Variants in MFNG observed in about 807,000 individuals in gnomAD.
MFNG encodes MFNG O-fucosylpeptide 3-beta-N-acetylglucosaminyltransferase, also known as beta-1,3-N-acetylglucosaminyltransferase manic fringe.
Under a neutral mutation model 34.2 loss-of-function variants are expected in MFNG, and 24 were observed. The observed-to-expected ratio is 0.70, with a 90% CI of 0.51 to 0.99. MFNG has a LOEUF of 0.99. Ranked by LOEUF, MFNG falls within the 50% of genes least tolerant of loss-of-function variation. MFNG has a pLI of 0.00. For missense variants in MFNG, 383 were observed against 424.0 expected, an observed-to-expected ratio of 0.90 and a Z score of 0.85; for synonymous variants, 158 against 179.2, an observed-to-expected ratio of 0.88 and a Z score of 0.94.
chr22:37,473,462 T>G (rs899731869), intron 6 of MFNG, among the ~76,000 whole-genome samples: 1 of 150,462 alleles, frequency 6.6e-6, no homozygotes, highest in African/African-American at 2.4e-5. Context: ...CCCAGTGTGG[T>G]GCCTGGCATT....
chr22:37,484,243 AC>A (rs1392666066), intron 1 of MFNG: 1 of 152,064 alleles, frequency 6.6e-6, no homozygotes, highest in Non-Finnish European at 1.5e-5. Flanking sequence ...CCCACCTGCC[AC>A]CCGACCGCCC....
intron 7 of MFNG, among the ~76,000 whole-genome samples, chr22:37,471,463 A>C (rs1013294167): frequency 1.3e-5 from 2 of 151,984 alleles, no homozygotes; most frequent in African/African-American, 4.8e-5. Context: ...GGTTGGACTG[A>C]TGGGCCCAGA....
intron 4 of MFNG, among the ~76,000 whole-genome samples, chr22:37,477,833 C>T (rs1056431874): frequency 5.9e-5 from 9 of 152,216 alleles, no homozygotes; most frequent in Admixed American, 5.9e-4. Context: ...TTCATTCTTT[C>T]TTCTGTGTTC....
At chr22:37,472,364 C>T (rs972672596) in intron 7 of MFNG, 79 bp downstream of exon 7, 3 of 1,108,364 alleles carry the variant, frequency 2.7e-6, no homozygotes, top group Non-Finnish European at 3.8e-6. Context: ...CCACTCCACT[C>T]CCTCCCAGCT....
At chr22:37,475,085 G>A (rs1437575575) in intron 5 of MFNG, among the ~76,000 whole-genome samples, 2 of 152,188 alleles carry the variant, frequency 1.3e-5, no homozygotes, top group Non-Finnish European at 2.9e-5. Context: ...CCCTATTCTG[G>A]CGGGAGACAG....
chr22:37,483,859 G>A lies in MFNG; in HGVS notation c.255+2064C>T, dbSNP rs573765900. ...GAGTCCAGGTCCAGAGGGGGCGGGG[G>A]CACAGGAGAGGGCAGTGAGGCTGGC... On this transcript the variant is annotated intron_variant, in intron 1 of 7. Coordinates refer to ENST00000356998, the MANE Select transcript of MFNG (RefSeq NM_002405.4). This position sits in a 1 kb window ranked among gnomAD's most constrained non-coding sequence, Gnocchi z 4.5. Among the ~76,000 whole-genome samples the A allele has an allele frequency of 1.3e-5, 2 of 152,220 alleles. No homozygotes were observed. The highest frequency in any genetic ancestry group is 4.1e-4 in the South Asian group (2 of 4,830).
rs755046976 is a variant in MFNG at position 37,477,015 on chromosome 22, C to G, written c.562-34G>C. On this transcript the variant is annotated intron_variant, in intron 4 of 7. Transcript: ENST00000356998. Reference sequence around the variant, plus strand: ...GAGGAAGGCCAAGGGGCAGAGTGAGCCTGGTGGCAGTTGTGGGGAAAAGGG... The same window carrying G: ...GAGGAAGGCCAAGGGGCAGAGTGAGGCTGGTGGCAGTTGTGGGGAAAAGGG... 14 of 1,594,420 alleles carry G rather than the reference C, an allele frequency of 8.8e-6. No individual in the cohort carries two copies. The African/African-American group carries it at 9.4e-5, about 11-fold the overall frequency.
At chr22:37,471,525 G>T (rs1921803401) in intron 7 of MFNG, among the ~76,000 whole-genome samples, 1 of 152,012 alleles carries the variant, frequency 6.6e-6, no homozygotes, top group Non-Finnish European at 1.5e-5. Context: ...CGCCACCCCT[G>T]GCCAGAATCA....
Position 37,485,993 on chromosome 22 carries a change from G to T in MFNG, c.185C>A (p.Thr62Lys), listed in dbSNP as rs374078492. The T allele has an allele frequency of 9.9e-6, 16 of 1,613,908 alleles. No homozygotes were observed. The highest frequency in any genetic ancestry group is 1.3e-5 in the Non-Finnish European group (15 of 1,179,952). Residue 62 changes from threonine to lysine, a missense_variant, in exon 1 of 8, where the codon ACG becomes AAG. Physicochemically the swap from Thr to Lys is moderately conservative, Grantham distance 78. Transcript: ENST00000356998. This position sits in a 1 kb window ranked among gnomAD's most constrained non-coding sequence, Gnocchi z 5.3. ...GCGCAAGCGGTGGAAAGCCCGGGTC[G>T]TCTTCACTGCAATGAAGACATCGTG... ...QLHDVFIAVK[T>K]TRAFHRLRLE...
Position 37,483,434 on chromosome 22 carries a change from C to G in MFNG, c.255+2489G>C, listed in dbSNP as rs2284052. Among the ~76,000 whole-genome samples, 1 of 151,278 alleles carries G rather than the reference C, an allele frequency of 6.6e-6. No individual in the cohort carries two copies. The highest frequency in any genetic ancestry group is 2.1e-4 in the South Asian group (1 of 4,768). On this transcript the variant is annotated intron_variant, in intron 1 of 7. Coordinates refer to ENST00000356998, the MANE Select transcript of MFNG (RefSeq NM_002405.4). This position sits in a 1 kb window ranked among gnomAD's most constrained non-coding sequence, Gnocchi z 4.5. ...AAACTTTTGCCACCAAACAGCCACCCGATAGTGAAACACTCTCAAGCTTGG... is the reference window on the plus strand; with the variant it reads ...AAACTTTTGCCACCAAACAGCCACCGGATAGTGAAACACTCTCAAGCTTGG...
chr22:37,486,085 G>A lies in MFNG; in HGVS notation c.93C>T (p.Ser31=). 6.2e-7 allele frequency: 1 copy of A among 1,613,650 alleles called. No individual in the cohort carries two copies. Among genetic ancestry groups the A allele is most frequent in the Non-Finnish European group, 8.5e-7 (1 of 1,179,848 alleles). ...LLCLRYHLNL[S]PQRVQGTPEL... ...CGGGGGTCCCTTGTACCCGCTGCGG[G>A]GACAGGTTCAAGTGGTACCGCAGAC... The change falls in exon 1 of 8, where the codon TCC becomes TCT. Residue 31 remains serine (S), a synonymous_variant. Transcript: ENST00000356998.
In MFNG at chr22:37,476,880, C is replaced by T. The variant is rs1392848165; in HGVS notation, c.647+16G>A. 9 of 1,612,070 alleles carry T rather than the reference C, an allele frequency of 5.6e-6. No homozygotes were observed. Among genetic ancestry groups the T allele is most frequent in the Non-Finnish European group, 6.8e-6 (8 of 1,178,312 alleles). On this transcript the variant is annotated intron_variant, in intron 5 of 7. Coordinates refer to ENST00000356998, the MANE Select transcript of MFNG (RefSeq NM_002405.4). ...CCCCTCCCCGCCTTCCTGCCCACCC[C>T]TGGGTCTCTGCTTACCTGGCCCACG...
At chr22:37,475,190 G>GCAGC (rs1921984653) in intron 5 of MFNG, among the ~76,000 whole-genome samples, 1 of 152,118 alleles carries the variant, frequency 6.6e-6, no homozygotes, top group East Asian at 1.9e-4. Flanking sequence ...TCCAGAGGAG[G>GCAGC]TGGCAGCTTT....
At chr22:37,472,569 G>T in intron 6 of MFNG, 41 bp from the exon 7 acceptor site, 2 of 1,527,814 alleles carry the variant, frequency 1.3e-6, no homozygotes, top group Non-Finnish European at 1.8e-6. Context: ...ATCACACTGG[G>T]GATCCCCACA....
Position 37,469,493 on chromosome 22 carries a change from A to T in MFNG, c.*470T>A, listed in dbSNP as rs1177973794. 1.1e-5 allele frequency: 3 copies of T among 271,190 alleles called. No homozygotes were observed. Among genetic ancestry groups the T allele is most frequent in the Middle Eastern group, 1.4e-3 (1 of 724 alleles). 16.8% of individuals were successfully genotyped at this position (271,190 alleles called of 1,614,324 possible). ...GGTGCTGCAGACCCTGGATTCTGCC[A>T]TCATTCCACCCATGTCCCTTCAGGA... On this transcript the variant is annotated 3_prime_UTR_variant, in exon 8 of 8. Transcript: ENST00000356998.
intron 7 of MFNG, among the ~76,000 whole-genome samples, chr22:37,471,225 G>A (rs1413143224): frequency 1.3e-5 from 2 of 152,116 alleles, no homozygotes; most frequent in East Asian, 3.9e-4. Context: ...CTGAGTCCCT[G>A]CTAAGTCTCC....
intron 6 of MFNG, among the ~76,000 whole-genome samples, chr22:37,473,415 C>T (rs1270123840): frequency 2.6e-5 from 4 of 151,414 alleles, no homozygotes; most frequent in Admixed American, 6.6e-5. Context: ...GGCAACAGAG[C>T]GAGACTCTAT....
At position 37,482,358 on chromosome 22, in the gene MFNG, A is replaced by T. The variant is rs1264467156; in HGVS notation, c.256-1589T>A. Among the ~76,000 whole-genome samples the T allele has an allele frequency of 2.0e-5, 3 of 152,052 alleles. No homozygotes were observed. The East Asian group carries it at 5.8e-4, about 29-fold the overall frequency. The stretch of plus-strand genomic sequence containing the variant: ...GTGGCCAGTGAGGGGCCACCTGGCC[A>T]CCCTGCCTGATGTAGTCTGATCTCA... On this transcript the variant is annotated intron_variant, in intron 1 of 7. Transcript: ENST00000356998. This position sits in a 1 kb window ranked among gnomAD's most constrained non-coding sequence, Gnocchi z 4.1.
intron 4 of MFNG, 25 bp downstream of exon 4, chr22:37,479,320 G>A: frequency 6.5e-7 from 1 of 1,542,022 alleles, no homozygotes; most frequent in South Asian, 1.2e-5. Flanking sequence ...GGGCCAAGGG[G>A]CAAAGGAGGA....
Sources: allele counts gnomAD v4.1 joint callset (sites outside exome capture counted in the v4.1 genomes callset), GRCh38; gene constraint gnomAD v4.1.1; non-coding constraint Gnocchi (gnomAD v3.1); transcripts MANE v1.5; gene names NCBI Gene and HGNC (gene_info 2026-07-23, HGNC 2026-07-21).